COMMD10: variants seen among roughly 807,000 people sequenced by gnomAD.
COMMD10 encodes COMM domain containing 10.
A neutral mutation model predicts 28.9 loss-of-function variants in COMMD10; 33 were observed. The observed-to-expected ratio is 1.14, with a 90% confidence interval of 0.87 to 1.53. The LOEUF (loss-of-function observed/expected upper bound fraction) is 1.53. COMMD10 is among the 40% of genes most tolerant of loss of function. The pLI is 0.00. For missense variants in COMMD10, 310 were observed against 233.4 expected (o/e 1.33, Z -2.14); for synonymous variants, 110 against 81.7 (o/e 1.35, Z -1.87).
chr5:116,170,693 C>T (rs191911806), intron 5 of COMMD10, among the ~76,000 whole-genome samples: 4 of 152,212 alleles, frequency 2.6e-5, no homozygotes, highest in African/African-American at 9.6e-5. Context: ...ACATCTACAA[C>T]CATCTGATCT....
In COMMD10 at chr5:116,131,238, A is replaced by T. The variant is rs12652292; in HGVS notation, c.400-2830A>T. 6.4e-4 allele frequency among the ~76,000 whole-genome samples: 97 copies of T among 152,154 alleles called. 1 individual carries two copies. In the East Asian group the frequency reaches 0.014, roughly 22 times the overall value. On this transcript the variant is annotated intron_variant, in intron 4 of 6. Transcript: ENST00000274458. Reference sequence around the variant, plus strand: ...TAGAATATGTAACTTGCTTAAGGTCAATTAGTATGGAACTTCACAGCCCAC... The same window carrying T: ...TAGAATATGTAACTTGCTTAAGGTCTATTAGTATGGAACTTCACAGCCCAC...
chr5:116,100,675 A>G (rs1482265577), intron 4 of COMMD10, among the ~76,000 whole-genome samples: 4 of 140,884 alleles, frequency 2.8e-5, no homozygotes, highest in Admixed American at 7.0e-5. Flanking sequence ...GAGAGGGCCA[A>G]TTGAAAAAAA....
chr5:116,244,646 G>GA (rs1188979503), intron 5 of COMMD10, among the ~76,000 whole-genome samples: 380 of 36,950 alleles, frequency 0.01, no homozygotes, highest in Non-Finnish European at 0.017. Flanking sequence ...AACAAGTAAG[G>GA]AAAAAAAAAA....
intron 5 of COMMD10, among the ~76,000 whole-genome samples, chr5:116,193,105 A>T (rs1299843286): frequency 6.6e-6 from 1 of 152,232 alleles, no homozygotes; most frequent in African/African-American, 2.4e-5. Flanking sequence ...CGGAAAAACA[A>T]ATGCTGCGTG....
At chr5:116,269,920 G>T (rs993118416) in intron 5 of COMMD10, among the ~76,000 whole-genome samples, 2 of 151,748 alleles carry the variant, frequency 1.3e-5, no homozygotes, top group Non-Finnish European at 2.9e-5. Flanking sequence ...CCCATCTCCA[G>T]AAACCAGGTT....
chr5:116,182,455 CAAAAA>C (rs35523877), intron 5 of COMMD10, among the ~76,000 whole-genome samples: 1 of 147,548 alleles, frequency 6.8e-6, no homozygotes, highest in Non-Finnish European at 1.5e-5. Context: ...AGAGTTTGAG[CAAAAA>C]AAAAGTCAGT....
chr5:116,136,487 A>G (rs1381808661), intron 5 of COMMD10, among the ~76,000 whole-genome samples: 2 of 152,244 alleles, frequency 1.3e-5, no homozygotes, highest in Non-Finnish European at 2.9e-5. Flanking sequence ...TACATTGGAT[A>G]TGCTTTAAGC....
intron 5 of COMMD10, among the ~76,000 whole-genome samples, chr5:116,201,445 A>G (rs1748663498): frequency 6.6e-6 from 1 of 152,084 alleles, no homozygotes; most frequent in African/African-American, 2.4e-5. Flanking sequence ...ATTGCTGTTT[A>G]AGTTTTCTTA....
chr5:116,196,965 G>A (rs998202490), intron 5 of COMMD10, among the ~76,000 whole-genome samples: 57 of 152,048 alleles, frequency 3.7e-4, no homozygotes, highest in African/African-American at 1.3e-3. Context: ...CTATCTTTCA[G>A]TATGTGCTTA....
intron 4 of COMMD10, among the ~76,000 whole-genome samples, chr5:116,097,798 G>A (rs1750516027): frequency 6.6e-6 from 1 of 152,002 alleles, no homozygotes; most frequent in Non-Finnish European, 1.5e-5. Context: ...CATGGCAGGA[G>A]CAGGAACAAG....
chr5:116,180,094 G>A (rs570962167), intron 5 of COMMD10, among the ~76,000 whole-genome samples: 4 of 151,990 alleles, frequency 2.6e-5, no homozygotes, highest in Non-Finnish European at 5.9e-5. Flanking sequence ...GTTTTTGAGA[G>A]CTTTCCATAT....
At chr5:116,199,571 A>G (rs1748611060) in intron 5 of COMMD10, among the ~76,000 whole-genome samples, 1 of 149,504 alleles carries the variant, frequency 6.7e-6, no homozygotes, top group South Asian at 2.1e-4. Flanking sequence ...TGTTAGATCA[A>G]TTAAGAATGA....
intron 5 of COMMD10, among the ~76,000 whole-genome samples, chr5:116,141,659 C>T (rs527939948): frequency 6.6e-6 from 1 of 151,794 alleles, no homozygotes; most frequent in African/African-American, 2.4e-5. Context: ...ATTCTTTTTG[C>T]TCTCCTAGCA....
At chr5:116,225,354 ATTT>A (rs3073081) in intron 5 of COMMD10, among the ~76,000 whole-genome samples, 12 of 132,404 alleles carry the variant, frequency 9.1e-5, no homozygotes, top group African/African-American at 2.9e-4. Flanking sequence ...TTTTTTGGGG[ATTT>A]TTTTTTTTTT....
chr5:116,125,150 G>T (rs1751581539), intron 4 of COMMD10, among the ~76,000 whole-genome samples: 1 of 152,132 alleles, frequency 6.6e-6, no homozygotes, highest in African/African-American at 2.4e-5. Flanking sequence ...TCCTAGCATT[G>T]ATGGTCTTTA....
At position 116,121,469 on chromosome 5, in the gene COMMD10, T is replaced by C. The variant is rs1170007646; in HGVS notation, c.400-12599T>C. ...ATGTGCATGTGTCTTTATAGTAGCATGATTTATAATCCTTTGGGTATATAC... is the reference window on the plus strand; with the variant it reads ...ATGTGCATGTGTCTTTATAGTAGCACGATTTATAATCCTTTGGGTATATAC... On this transcript the variant is annotated intron_variant, in intron 4 of 6. Coordinates refer to ENST00000274458, the MANE Select transcript of COMMD10 (RefSeq NM_016144.4). Among the ~76,000 whole-genome samples, 6 of 152,364 alleles carry C rather than the reference T, an allele frequency of 3.9e-5. No homozygotes were observed. In the East Asian group the frequency reaches 9.6e-4, roughly 24 times the overall value.
At chr5:116,159,584 T>C (rs533927924) in intron 5 of COMMD10, among the ~76,000 whole-genome samples, 1 of 152,326 alleles carries the variant, frequency 6.6e-6, no homozygotes, top group East Asian at 1.9e-4. Flanking sequence ...AAAAGGCTTG[T>C]ATGCAGTGCA....
At chr5:116,111,219 G>A (rs1751031318) in intron 4 of COMMD10, among the ~76,000 whole-genome samples, 1 of 151,856 alleles carries the variant, frequency 6.6e-6, no homozygotes, top group Non-Finnish European at 1.5e-5. Flanking sequence ...TAAAGAACGA[G>A]CTTTTTGTTT....
intron 5 of COMMD10, among the ~76,000 whole-genome samples, chr5:116,177,863 T>G (rs1300467965): frequency 6.6e-6 from 1 of 152,160 alleles, no homozygotes; most frequent in East Asian, 1.9e-4. Flanking sequence ...TTTGTTTCCT[T>G]ATTCATATTT....
Sources: allele counts gnomAD v4.1 joint callset (sites outside exome capture counted in the v4.1 genomes callset), GRCh38; gene constraint gnomAD v4.1.1; transcripts MANE v1.5; gene names NCBI Gene and HGNC (gene_info 2026-07-23, HGNC 2026-07-21).